Variants in MINAR2 observed in about 807,000 individuals in gnomAD.
MINAR2 encodes the protein major intrinsically disordered NOTCH2-binding receptor 1-like.
A neutral mutation model predicts 16.1 loss-of-function variants in MINAR2; 21 were observed. The observed-to-expected ratio is 1.31, with a 90% confidence interval of 0.93 to 1.88. MINAR2 has a LOEUF of 1.88. MINAR2 is among the 40% of genes most tolerant of loss of function. The probability of loss-of-function intolerance (pLI) is 0.00; values close to 1 mark genes in which losing one functional copy is unlikely to be tolerated. For synonymous variants in MINAR2, 86 were observed against 83.0 expected, an observed-to-expected ratio of 1.04 and a Z score of -0.20; for missense variants, 259 against 229.8, an observed-to-expected ratio of 1.13 and a Z score of -0.82.
At position 129,765,313 on chromosome 5, in the gene MINAR2, A is replaced by T. The variant is rs1236404601; in HGVS notation, c.*250A>T. 5.8e-6 allele frequency: 2 copies of T among 347,362 alleles called. No individual in the cohort carries two copies. Among genetic ancestry groups the T allele is most frequent in the African/African-American group, 4.2e-5 (2 of 47,654 alleles). 21.5% of individuals were successfully genotyped at this position (347,362 alleles called of 1,614,324 possible). ...ACTTTGGGAAGCAGGAATTCTGAGG[A>T]CCATAATCACAGAATAGTCACTATA... On this transcript the variant is annotated 3_prime_UTR_variant, in exon 3 of 3. Transcript: ENST00000564719.
At chr5:129,758,269 GT>G (rs1435205297) in intron 1 of MINAR2, among the ~76,000 whole-genome samples, 1 of 151,868 alleles carries the variant, frequency 6.6e-6, no homozygotes, top group East Asian at 1.9e-4. Flanking sequence ...AGGGTTTTTT[GT>G]TGTTGATGTT....
At position 129,766,634 on chromosome 5, in the gene MINAR2, T is replaced by TAAAAAACCAAA. The variant is rs1758218496; in HGVS notation, c.*1577_*1578insCCAAAAAAAAA. On this transcript the variant is annotated 3_prime_UTR_variant, in exon 3 of 3. Transcript: ENST00000564719. ...CCTGGGTGACAGAGTGAGACTTCCA[T>TAAAAAACCAAA]AAAAAAAAAAAAAAAAAAAAAACAA... The TAAAAAACCAAA allele has an allele frequency of 9.7e-6, 1 of 103,562 alleles. No homozygotes were observed. Among genetic ancestry groups the TAAAAAACCAAA allele is most frequent in the Non-Finnish European group, 1.8e-5 (1 of 56,838 alleles). The allele number at this position is 103,562 out of a possible 1,614,324, so 6.4% of individuals were successfully genotyped here. A position where few individuals can be genotyped will look rare whatever the true frequency, so the allele number is the denominator to read the frequency against.
rs1056558195 is a variant in MINAR2 at position 129,764,976 on chromosome 5, T to A, written c.486T>A (p.His162Gln). The A allele has an allele frequency of 1.1e-5, 15 of 1,406,986 alleles. No homozygotes were observed. The highest frequency in any genetic ancestry group is 1.4e-5 in the Non-Finnish European group (15 of 1,078,274). The allele number at this position is 1,406,986 out of a possible 1,614,324, so 87.2% of individuals were successfully genotyped here. ...LLKKEEKQEK[H>Q]SKFCRMGLIL... is the part of the protein sequence containing the mutation. The stretch of plus-strand genomic sequence containing the variant: ...AAAAGGAAGAGAAACAAGAGAAGCA[T>A]TCAAAATTCTGTCGTATGGGTCTGA... The change falls in exon 3 of 3, where the codon CAT becomes CAA. Residue 162 changes from histidine to glutamine, a missense_variant. By Grantham distance (24) the His-to-Gln change is conservative (BLOSUM62 0). Coordinates refer to ENST00000564719, the MANE Select transcript of MINAR2 (RefSeq NM_001257308.2).
Position 129,748,247 on chromosome 5 carries a change from C to T in MINAR2, c.57C>T (p.Asp19=), listed in dbSNP as rs991055973. The change falls in exon 1 of 3, where the codon GAC becomes GAT. Residue 19 remains aspartate, a synonymous_variant. Transcript: ENST00000564719. ...NNHPDKFLQL[D]VKSLTRSSAL... is the part of the protein sequence containing the mutation. ...ATCCTGACAAATTCCTGCAGCTTGA[C>T]GTAAAGTCTTTAACGAGGAGCTCAG... 33 of 1,535,078 alleles carry T rather than the reference C, an allele frequency of 2.1e-5. No individual in the cohort carries two copies. The East Asian group carries it at 3.2e-4, about 15-fold the overall frequency.
Position 129,765,129 on chromosome 5 carries a change from C to A in MINAR2, c.*66C>A. On this transcript the variant is annotated 3_prime_UTR_variant, in exon 3 of 3. Transcript: ENST00000564719. ...ATTTTTCTGATAAACATTTGAAACC[C>A]CCCCCACCAAAATAACAAAAAAACA... is the stretch of plus-strand genomic sequence containing the variant. 1 of 919,102 alleles carries A rather than the reference C, an allele frequency of 1.1e-6. No individual in the cohort carries two copies. The highest frequency in any genetic ancestry group is 3.2e-5 in the East Asian group (1 of 31,304). 56.9% of individuals were successfully genotyped at this position (919,102 alleles called of 1,614,324 possible).
intron 2 of MINAR2, among the ~76,000 whole-genome samples, 199 bp downstream of exon 2, chr5:129,760,804 A>G (rs1758125807): frequency 6.6e-6 from 1 of 152,176 alleles, no homozygotes; most frequent in South Asian, 2.1e-4. Flanking sequence ...TACAGTTTCA[A>G]CAGTTACTGG....
chr5:129,750,879 G>A (rs1757977475), intron 1 of MINAR2, among the ~76,000 whole-genome samples: 1 of 150,912 alleles, frequency 6.6e-6, no homozygotes, highest in Non-Finnish European at 1.5e-5. Flanking sequence ...AAACCAAGCA[G>A]TAGATATAAT....
chr5:129,751,927 AC>A (rs1236751856), intron 1 of MINAR2, among the ~76,000 whole-genome samples: 1 of 152,212 alleles, frequency 6.6e-6, no homozygotes, highest in Non-Finnish European at 1.5e-5. Flanking sequence ...ATGAACAGAC[AC>A]TTCTCAAAAG....
chr5:129,766,658 AAACAAACAAAC>A lies in MINAR2; in HGVS notation c.*1598_*1608del, dbSNP rs1206838881. Reference sequence around the variant, plus strand: ...ATAAAAAAAAAAAAAAAAAAAAAACAAACAAACAAACAAAAAAAACCCCAAAAAAAGAGACA... The same window carrying A: ...ATAAAAAAAAAAAAAAAAAAAAAACAAAAAAAAACCCCAAAAAAAGAGACA... On this transcript the variant is annotated 3_prime_UTR_variant, in exon 3 of 3. Transcript: ENST00000564719. 3.7e-5 allele frequency: 5 copies of A among 134,948 alleles called. No individual in the cohort carries two copies. The highest frequency in any genetic ancestry group is 1.5e-4 in the African/African-American group (5 of 33,374). The allele number at this position is 134,948 out of a possible 1,614,324, so 8.4% of individuals were successfully genotyped here. A position where few individuals can be genotyped will look rare whatever the true frequency, so the allele number is the denominator to read the frequency against.
intron 2 of MINAR2, among the ~76,000 whole-genome samples, chr5:129,761,633 T>A (rs1184564296): frequency 2.0e-5 from 3 of 152,126 alleles, no homozygotes; most frequent in African/African-American, 7.2e-5. Context: ...GAAACAATAA[T>A]CTTGTGTTTC....
intron 1 of MINAR2, among the ~76,000 whole-genome samples, chr5:129,756,968 A>G (rs1178188124): frequency 6.8e-6 from 1 of 147,952 alleles, no homozygotes; most frequent in Non-Finnish European, 1.5e-5. Flanking sequence ...ACACACACAC[A>G]CAAACATATA....
Position 129,748,363 on chromosome 5 carries a change from C to A in MINAR2, c.165+8C>A. ...AACCTTGTCTACTCACAGGTAAGAT[C>A]TAGGGGCACAAAAATACGGGGATGG... On this transcript the variant is annotated splice_region_variant and intron_variant, in intron 1 of 2. Transcript: ENST00000564719. 3 of 1,530,980 alleles carry A rather than the reference C, an allele frequency of 2.0e-6. No individual in the cohort carries two copies. Among genetic ancestry groups the A allele is most frequent in the Non-Finnish European group, 2.6e-6 (3 of 1,145,116 alleles). The allele number at this position is 1,530,980 out of a possible 1,614,324, so 94.8% of individuals were successfully genotyped here.
chr5:129,748,738 T>C (rs1394171625), intron 1 of MINAR2, among the ~76,000 whole-genome samples: 1 of 152,146 alleles, frequency 6.6e-6, no homozygotes, highest in Non-Finnish European at 1.5e-5. Flanking sequence ...ATCAGAAGTT[T>C]ACATTGTGGG....
intron 1 of MINAR2, among the ~76,000 whole-genome samples, chr5:129,759,780 T>G (rs1327521766): frequency 6.6e-6 from 1 of 151,848 alleles, no homozygotes; most frequent in Non-Finnish European, 1.5e-5. Flanking sequence ...ATGCTTCAAT[T>G]TGAAAAGTTT....
At chr5:129,760,305 A>G in intron 1 of MINAR2, 73 bp from the exon 2 acceptor site, 1 of 1,056,418 alleles carries the variant, frequency 9.5e-7, no homozygotes, top group Non-Finnish European at 1.4e-6. Flanking sequence ...ATTATCAGGT[A>G]GTTATCTCAC....
At chr5:129,750,858 C>T (rs943631593) in intron 1 of MINAR2, among the ~76,000 whole-genome samples, 2 of 152,098 alleles carry the variant, frequency 1.3e-5, no homozygotes, top group Non-Finnish European at 2.9e-5. Flanking sequence ...AATACGTCAA[C>T]CTGCGTGACT....
chr5:129,750,691 G>C (rs1434634056), intron 1 of MINAR2, among the ~76,000 whole-genome samples: 1 of 152,114 alleles, frequency 6.6e-6, no homozygotes, highest in Non-Finnish European at 1.5e-5. Flanking sequence ...ATTTATACCA[G>C]TATTTCAAAA....
chr5:129,751,459 T>C (rs1757983910), intron 1 of MINAR2, among the ~76,000 whole-genome samples: 1 of 152,148 alleles, frequency 6.6e-6, no homozygotes, highest in South Asian at 2.1e-4. Context: ...CCATCCAATT[T>C]GGCCTCCCAA....
chr5:129,750,287 G>T (rs1377274386), intron 1 of MINAR2, among the ~76,000 whole-genome samples: 1 of 152,136 alleles, frequency 6.6e-6, no homozygotes, highest in East Asian at 1.9e-4. Flanking sequence ...TTAAATATTT[G>T]CCATGATACC....
Sources: allele counts gnomAD v4.1 joint callset (sites outside exome capture counted in the v4.1 genomes callset), GRCh38; gene constraint gnomAD v4.1.1; transcripts MANE v1.5; gene names NCBI Gene and HGNC (gene_info 2026-07-23, HGNC 2026-07-21).